The following GRK5 variants were observed in gnomAD, a reference collection of about 807,000 sequenced individuals.
GRK5 encodes g protein-coupled receptor kinase GRK5.
In GRK5, 40 loss-of-function variants were observed where a neutral mutation model predicts 78.4. The observed-to-expected ratio is 0.51, with a 90% CI of 0.40 to 0.66. The LOEUF (loss-of-function observed/expected upper bound fraction) is 0.66, where lower values mean the gene tolerates loss of function less well. Among genes scored for constraint, GRK5 ranks in the 30% least tolerant of loss-of-function variants. GRK5 has a pLI of 0.00. For synonymous variants in GRK5, 289 were observed against 296.8 expected (o/e 0.97, Z 0.27); for missense variants, 598 against 759.9 (o/e 0.79, Z 2.50).
chr10:119,247,894 C>T (rs183344808), intron 1 of GRK5, among the ~76,000 whole-genome samples: 1 of 152,076 alleles, frequency 6.6e-6, no homozygotes, highest in African/African-American at 2.4e-5. Flanking sequence ...CATGAAAGTC[C>T]CCCCCACCCT....
At chr10:119,209,774 C>G (rs937987558) in intron 1 of GRK5, among the ~76,000 whole-genome samples, 2 of 152,212 alleles carry the variant, frequency 1.3e-5, no homozygotes, top group South Asian at 4.1e-4. Flanking sequence ...GTACTGGAGC[C>G]TTGCAAGTTT....
rs755688876 is a variant in GRK5 at position 119,453,127 on chromosome 10, T to C, written c.1543-18T>C. 1 of 1,483,546 alleles carries C rather than the reference T, an allele frequency of 6.7e-7. No individual in the cohort carries two copies. The highest frequency in any genetic ancestry group is 1.7e-5 in the Admixed American group (1 of 59,856). The allele number at this position is 1,483,546 out of a possible 1,614,324, so 91.9% of individuals were successfully genotyped here. ...GCCCCAGTTGACGGCCTGTGTTTTG[T>C]TTTCACGGCCCCTCCAGATGATAGA... On this transcript the variant is annotated intron_variant, in intron 14 of 15. Transcript: ENST00000392870.
chr10:119,458,314 T>C lies in GRK5; in HGVS notation c.*3247T>C, dbSNP rs1191877954. ...CACCATGATGCCCTACAAGTGTTTA[T>C]TGAGTCCCCTGGGGGGCACCCAGAA... On this transcript the variant is annotated 3_prime_UTR_variant, in exon 16 of 16. Coordinates refer to ENST00000392870, the MANE Select transcript of GRK5 (RefSeq NM_005308.3). 6.6e-6 allele frequency: 1 copy of C among 152,234 alleles called. No homozygotes were observed. Among genetic ancestry groups the C allele is most frequent in the East Asian group, 1.9e-4 (1 of 5,182 alleles). 9.4% of individuals were successfully genotyped at this position (152,234 alleles called of 1,614,324 possible).
At position 119,257,981 on chromosome 10, in the gene GRK5, C is replaced by A. The variant is rs573385133; in HGVS notation, c.52+50012C>A. On this transcript the variant is annotated intron_variant, in intron 1 of 15. Transcript: ENST00000392870. Reference sequence around the variant, plus strand: ...AAATGTAATTTATATACAGTAACATCTGCCTCTTAAAAGTGCATAGTTCTG... The same window carrying A: ...AAATGTAATTTATATACAGTAACATATGCCTCTTAAAAGTGCATAGTTCTG... Among the ~76,000 whole-genome samples the A allele has an allele frequency of 2.0e-5, 3 of 152,250 alleles. No homozygotes were observed. In the South Asian group the frequency reaches 6.2e-4, roughly 32 times the overall value.
At chr10:119,415,090 AAAAAAAAAAAAAAG>A (rs1453936486) in intron 4 of GRK5, among the ~76,000 whole-genome samples, 3 of 151,132 alleles carry the variant, frequency 2.0e-5, no homozygotes, top group African/African-American at 7.3e-5. Context: ...TCAAAAAAAA[AAAAAAAAAAAAAAG>A]AAAAAGAAAA....
chr10:119,281,501 C>T (rs1384493908), intron 1 of GRK5, among the ~76,000 whole-genome samples: 1 of 152,208 alleles, frequency 6.6e-6, no homozygotes, highest in Non-Finnish European at 1.5e-5. Flanking sequence ...GCACGGCTCA[C>T]CCCTGGTGCT....
At position 119,258,203 on chromosome 10, in the gene GRK5, C is replaced by G. The variant is rs989379678; in HGVS notation, c.52+50234C>G. 1.6e-4 allele frequency among the ~76,000 whole-genome samples: 24 copies of G among 152,230 alleles called. 1 individual carries two copies. The highest frequency in any genetic ancestry group is 1.6e-3 in the Admixed American group (24 of 15,290). On this transcript the variant is annotated intron_variant, in intron 1 of 15. Transcript: ENST00000392870. Reference sequence around the variant, plus strand: ...GAATGTCATATACATGGAATCACACCGAGTGTAGCCTTTTGAGTCTGATTT... The same window carrying G: ...GAATGTCATATACATGGAATCACACGGAGTGTAGCCTTTTGAGTCTGATTT...
chr10:119,332,247 C>G (rs1850794007), intron 2 of GRK5, among the ~76,000 whole-genome samples: 1 of 152,042 alleles, frequency 6.6e-6, no homozygotes, highest in Admixed American at 6.6e-5. Context: ...GCTGGGACTA[C>G]AAACGTGCAC....
intron 2 of GRK5, among the ~76,000 whole-genome samples, chr10:119,341,213 C>A (rs916813207): frequency 6.6e-6 from 1 of 152,194 alleles, no homozygotes; most frequent in Non-Finnish European, 1.5e-5. Context: ...GGCGCACCTA[C>A]TTCCAACCAA....
intron 1 of GRK5, among the ~76,000 whole-genome samples, chr10:119,309,303 C>T (rs763781796): frequency 6.6e-5 from 10 of 152,342 alleles, no homozygotes; most frequent in East Asian, 3.9e-4. Context: ...GCAGGGGCCA[C>T]GTGCCAAGCA....
chr10:119,218,983 C>T (rs889294778), intron 1 of GRK5, among the ~76,000 whole-genome samples: 2 of 148,560 alleles, frequency 1.3e-5, no homozygotes, highest in African/African-American at 2.6e-5. Context: ...CCGCAACCTC[C>T]GCTTCCCGGG....
chr10:119,444,800 G>A (rs1853110577), intron 12 of GRK5, among the ~76,000 whole-genome samples: 1 of 152,220 alleles, frequency 6.6e-6, no homozygotes, highest in South Asian at 2.1e-4. Context: ...CTCTACATCT[G>A]CAGGCACTTT....
chr10:119,377,757 C>A (rs1189404671), intron 2 of GRK5, among the ~76,000 whole-genome samples: 1 of 152,136 alleles, frequency 6.6e-6, no homozygotes, highest in Non-Finnish European at 1.5e-5. Flanking sequence ...CAATATGGCA[C>A]ATGAAATCTC....
chr10:119,319,189 G>A (rs4531379), intron 1 of GRK5, among the ~76,000 whole-genome samples: 26,790 of 152,112 alleles, frequency 0.18, 2,743 homozygotes, highest in African/African-American at 0.27. Context: ...CCTGCTGGAG[G>A]ACATCGCTGG....
At chr10:119,397,336 C>T (rs767396416) in intron 4 of GRK5, among the ~76,000 whole-genome samples, 20 of 152,304 alleles carry the variant, frequency 1.3e-4, no homozygotes, top group Middle Eastern at 3.4e-3. Context: ...CCAGCAGCCT[C>T]GGTTCTCCAA....
chr10:119,237,529 T>C (rs1848953165), intron 1 of GRK5, among the ~76,000 whole-genome samples: 1 of 152,146 alleles, frequency 6.6e-6, no homozygotes. Flanking sequence ...TTCTTAGAAA[T>C]AGGACTATGT....
rs891956003 is a variant in GRK5, at chr10:119,445,606, G to T, written c.1266+1854G>T. The stretch of plus-strand genomic sequence containing the variant: ...AAACCACTGTCCTCTGGAAGCCTCT[G>T]GCCTTGCTGCGGCTTCCCTTACAAA... On this transcript the variant is annotated intron_variant, in intron 12 of 15. Transcript: ENST00000392870. The surrounding 1 kb of genome is among the most constrained non-coding windows in gnomAD (Gnocchi z 4.1). 1.3e-5 allele frequency among the ~76,000 whole-genome samples: 2 copies of T among 152,160 alleles called. No homozygotes were observed. Among genetic ancestry groups the T allele is most frequent in the African/African-American group, 4.8e-5 (2 of 41,444 alleles).
At chr10:119,221,692 TG>T (rs543986375) in intron 1 of GRK5, among the ~76,000 whole-genome samples, 145 of 152,364 alleles carry the variant, frequency 9.5e-4, no homozygotes, top group African/African-American at 3.3e-3. Context: ...GTTTTTTTCC[TG>T]TGGGAGTATC....
chr10:119,341,995 G>A (rs778983804), intron 2 of GRK5, among the ~76,000 whole-genome samples: 7 of 152,136 alleles, frequency 4.6e-5, no homozygotes, highest in Non-Finnish European at 8.8e-5. Context: ...GCCCCTATCC[G>A]ACCTCAATGG....
Sources: gnomAD v4.1 joint callset for allele counts (sites outside exome capture counted in the v4.1 genomes callset) on GRCh38, gnomAD v4.1.1 for gene constraint, Gnocchi (gnomAD v3.1) non-coding constraint, MANE v1.5 for transcripts, NCBI Gene and HGNC (gene_info 2026-07-23, HGNC 2026-07-21) for gene names.